The following FAAH2 variants were observed in gnomAD, a reference collection of about 807,000 sequenced individuals.
FAAH2 encodes fatty-acid amide hydrolase 2.
A neutral mutation model predicts 36.9 loss-of-function variants in FAAH2; 60 were observed. The ratio of observed to expected loss-of-function variants is 1.63; its 90% CI spans 1.32 to 2.02. The LOEUF (loss-of-function observed/expected upper bound fraction) is 2.02. FAAH2 is among the 30% of genes most tolerant of loss of function. FAAH2 has a pLI of 0.00. For missense variants in FAAH2, 689 were observed against 397.5 expected (o/e 1.73, Z -6.23); for synonymous variants, 214 against 143.8 (o/e 1.49, Z -3.49).
At chrX:57,418,986 T>G (rs1418315135) in intron 7 of FAAH2, among the ~76,000 whole-genome samples, 1 of 104,972 alleles carries the variant, frequency 9.5e-6, no homozygotes, top group Non-Finnish European at 2.0e-5. Flanking sequence ...TTTGTCCTTG[T>G]GATAGTTTAC....
At chrX:57,201,431 T>TA in the FAAH2 span, among the ~76,000 whole-genome samples, 10,430 of 99,800 alleles carry the variant, frequency 0.1, 1,239 homozygotes, top group African/African-American at 0.33. Context: ...TTTTACTCCA[T>TA]AAAAAAAAAA....
At chrX:57,449,605 C>A (rs770553151) in intron 10 of FAAH2, among the ~76,000 whole-genome samples, 1 of 111,340 alleles carries the variant, frequency 9.0e-6, no homozygotes, top group South Asian at 3.8e-4. Flanking sequence ...TACCCTTACT[C>A]TCTCCCTGGC....
At chrX:57,165,627 A>C in the FAAH2 span, among the ~76,000 whole-genome samples, 6 of 111,359 alleles carry the variant, frequency 5.4e-5, no homozygotes, top group African/African-American at 2.0e-4. Context: ...CCAGCATGGC[A>C]CATGTATACA....
the FAAH2 span, among the ~76,000 whole-genome samples, chrX:57,259,652 C>G: frequency 1.8e-5 from 2 of 111,756 alleles, no homozygotes; most frequent in African/African-American, 3.2e-5. Flanking sequence ...AAATATTGGT[C>G]AAATTTGCTA....
the FAAH2 span, among the ~76,000 whole-genome samples, chrX:57,143,475 G>GTATTAT: frequency 6.4e-5 from 7 of 109,193 alleles, no homozygotes; most frequent in East Asian, 1.7e-3. Context: ...AAAATTGCTC[G>GTATTAT]TATTATTATT....
chrX:57,125,211 C>T, the FAAH2 span, among the ~76,000 whole-genome samples: 3 of 112,655 alleles, frequency 2.7e-5, no homozygotes, highest in Admixed American at 9.3e-5. Context: ...GTTTTTAGCA[C>T]GAAGTGCTGT....
At chrX:57,230,032 G>T in the FAAH2 span, among the ~76,000 whole-genome samples, 2 of 111,505 alleles carry the variant, frequency 1.8e-5, no homozygotes, top group Non-Finnish European at 3.8e-5. Context: ...TATAATTAGG[G>T]ATCTTATTTT....
the FAAH2 span, among the ~76,000 whole-genome samples, chrX:57,177,577 AATAT>A: frequency 0.4 from 13,731 of 34,469 alleles, 2,906 homozygotes; most frequent in East Asian, 0.55. Context: ...TCAAAATTTA[AATAT>A]ATATATATAT....
intron 7 of FAAH2, among the ~76,000 whole-genome samples, chrX:57,385,448 G>C (rs997588083): frequency 5.4e-5 from 6 of 111,307 alleles, no homozygotes; most frequent in Non-Finnish European, 1.1e-4. Context: ...GAAAGTCCAA[G>C]ATCAAGGTTC....
the FAAH2 span, among the ~76,000 whole-genome samples, chrX:57,200,352 ACT>A: frequency 7.7e-5 from 8 of 103,958 alleles, no homozygotes; most frequent in Non-Finnish European, 1.2e-4. Flanking sequence ...AATAATAAAG[ACT>A]CTGCATCTTA....
At position 57,435,484 on chromosome X, in the gene FAAH2, G is replaced by A. The variant is rs752889185; in HGVS notation, c.1116+3447G>A. Among the ~76,000 whole-genome samples the A allele has an allele frequency of 2.7e-5, 3 of 110,411 alleles. No individual in the cohort carries two copies. The South Asian group carries it at 1.1e-3, about 42-fold the overall frequency. On this transcript the variant is annotated intron_variant, in intron 8 of 10. Coordinates refer to ENST00000374900, the MANE Select transcript of FAAH2 (RefSeq NM_174912.4). ...CTCTGTAAATACATACATAGACTGA[G>A]AGAAAAGGGTTGAAAAAAGATATTT... is the stretch of plus-strand genomic sequence containing the variant.
intron 7 of FAAH2, among the ~76,000 whole-genome samples, chrX:57,386,357 A>C (rs963046858): frequency 1.8e-5 from 2 of 111,903 alleles, no homozygotes; most frequent in African/African-American, 6.5e-5. Context: ...AAGTAATTAA[A>C]GGAAAAACTA....
chrX:57,140,848 A>G, the FAAH2 span, among the ~76,000 whole-genome samples: 1 of 111,488 alleles, frequency 9.0e-6, no homozygotes, highest in Non-Finnish European at 1.9e-5. Context: ...GAAGAGAGGA[A>G]TGATTGAAAA....
In FAAH2 at chrX:57,489,078, A is replaced by C; in HGVS notation, c.*146A>C. The stretch of plus-strand genomic sequence containing the variant: ...TCATTTAGTTATTCTTTCTACTTTT[A>C]TTTCCTTCTCTAACTGTTGGTCTTA... On this transcript the variant is annotated 3_prime_UTR_variant, in exon 11 of 11. Transcript: ENST00000374900. 3.3e-6 allele frequency: 2 copies of C among 605,295 alleles called. No homozygotes were observed. Among genetic ancestry groups the C allele is most frequent in the Non-Finnish European group, 4.8e-6 (2 of 418,053 alleles). 49.9% of individuals were successfully genotyped at this position (605,295 alleles called of 1,213,427 possible).
chrX:57,199,713 A>G, the FAAH2 span, among the ~76,000 whole-genome samples: 56 of 111,376 alleles, frequency 5.0e-4, no homozygotes, highest in Non-Finnish European at 7.5e-5. Flanking sequence ...GTTGTAATCT[A>G]TCTCTCTCCT....
the FAAH2 span, among the ~76,000 whole-genome samples, chrX:57,187,941 A>T: frequency 9.0e-6 from 1 of 111,437 alleles, no homozygotes; most frequent in Non-Finnish European, 1.9e-5. Flanking sequence ...AAGCTTTTTG[A>T]TGTGCTGCTA....
the FAAH2 span, among the ~76,000 whole-genome samples, chrX:57,143,894 G>T: frequency 1.1e-4 from 12 of 111,923 alleles, no homozygotes; most frequent in African/African-American, 3.9e-4. Flanking sequence ...ATTTATCAGT[G>T]AGTTTTAGAT....
At chrX:57,211,320 G>T in the FAAH2 span, among the ~76,000 whole-genome samples, 1 of 111,448 alleles carries the variant, frequency 9.0e-6, no homozygotes, top group Admixed American at 9.5e-5. Context: ...TTCTTCACTC[G>T]TCTCTGGAAC....
At chrX:57,225,059 T>A in the FAAH2 span, among the ~76,000 whole-genome samples, 1 of 112,146 alleles carries the variant, frequency 8.9e-6, no homozygotes, top group Admixed American at 9.4e-5. Context: ...TTGCTAATGG[T>A]CTCTCAATTT....
Sources: allele counts gnomAD v4.1 joint callset (sites outside exome capture counted in the v4.1 genomes callset), GRCh38; gene constraint gnomAD v4.1.1; transcripts MANE v1.5; gene names NCBI Gene and HGNC (gene_info 2026-07-23, HGNC 2026-07-21).